The following CTNNA2 variants were observed in gnomAD, a reference collection of about 807,000 sequenced individuals.
CTNNA2 encodes the protein catenin alpha-2.
CTNNA2 carries 42 observed loss-of-function variants against 101.0 expected under a neutral mutation model. That is an observed-to-expected ratio of 0.42 (90% CI 0.32 to 0.54). The LOEUF is 0.54. Ranked by LOEUF, CTNNA2 falls within the 20% of genes least tolerant of loss-of-function variation. CTNNA2 has a pLI of 0.14. For synonymous variants in CTNNA2, 450 were observed against 456.4 expected, an observed-to-expected ratio of 0.99 and a Z score of 0.18; for missense variants, 871 against 1,223.1, an observed-to-expected ratio of 0.71 and a Z score of 4.29.
At chr2:80,144,290 A>G (rs1295612577) in intron 7 of CTNNA2, among the ~76,000 whole-genome samples, 1 of 152,200 alleles carries the variant, frequency 6.6e-6, no homozygotes, top group Non-Finnish European at 1.5e-5. Flanking sequence ...CAGATTCCCC[A>G]TAGATGCACC....
At chr2:79,585,259 T>G (rs1390625674) in intron 1 of CTNNA2, among the ~76,000 whole-genome samples, 2 of 152,034 alleles carry the variant, frequency 1.3e-5, no homozygotes, top group South Asian at 2.1e-4. Context: ...GTTTTTCAAT[T>G]GTTTTTCTTG....
chr2:79,232,557 T>C (rs1421615878), intron 2 of CTNNA2, among the ~76,000 whole-genome samples: 1 of 152,230 alleles, frequency 6.6e-6, no homozygotes, highest in Non-Finnish European at 1.5e-5. Flanking sequence ...CTTTACAGAA[T>C]GAATTAGGGA....
chr2:79,456,812 T>A (rs552034802), intron 4 of CTNNA2, among the ~76,000 whole-genome samples: 1 of 152,336 alleles, frequency 6.6e-6, no homozygotes, highest in South Asian at 2.1e-4. Context: ...ATGTTTTATT[T>A]GTTTTTACCC....
chr2:80,001,742 G>A (rs889850797), intron 7 of CTNNA2, among the ~76,000 whole-genome samples: 3 of 152,234 alleles, frequency 2.0e-5, no homozygotes, highest in African/African-American at 4.8e-5. Flanking sequence ...GGAGGCGGCC[G>A]GACACAGCCT....
chr2:79,944,452 A>G (rs1688359512), intron 7 of CTNNA2, among the ~76,000 whole-genome samples: 2 of 152,222 alleles, frequency 1.3e-5, no homozygotes, highest in South Asian at 2.1e-4. Context: ...CTCAAACACA[A>G]TGTCTGTCCT....
intron 3 of CTNNA2, among the ~76,000 whole-genome samples, chr2:79,799,056 C>T (rs1254313194): frequency 6.6e-6 from 1 of 152,134 alleles, no homozygotes; most frequent in Non-Finnish European, 1.5e-5. Context: ...GAGCCCCAGC[C>T]CAGATTTGCA....
intron 1 of CTNNA2, among the ~76,000 whole-genome samples, chr2:79,532,300 G>C (rs1461906378): frequency 2.0e-5 from 3 of 152,040 alleles, no homozygotes; most frequent in Non-Finnish European, 4.4e-5. Context: ...GTGACTTCAT[G>C]GGATGCTTAA....
chr2:80,469,975 A>G lies in CTNNA2; in HGVS notation c.1290+50374A>G, dbSNP rs191839040. On this transcript the variant is annotated intron_variant, in intron 9 of 18. Transcript: ENST00000402739. ...AATGGGGCAATAGCAATATAACCCTAAGACATGGGCAAGGGTGGCTCCTCT... is the reference window on the plus strand; with the variant it reads ...AATGGGGCAATAGCAATATAACCCTGAGACATGGGCAAGGGTGGCTCCTCT... Among the ~76,000 whole-genome samples the G allele has an allele frequency of 5.9e-5, 9 of 152,272 alleles. No individual in the cohort carries two copies. The East Asian group carries it at 1.7e-3, about 29-fold the overall frequency.
At chr2:80,630,735 G>C (rs1325339199) in intron 18 of CTNNA2, among the ~76,000 whole-genome samples, 2 of 152,146 alleles carry the variant, frequency 1.3e-5, no homozygotes, top group Non-Finnish European at 1.5e-5. Flanking sequence ...TAAAGTGATA[G>C]TTAAAATAAT....
At chr2:79,722,413 C>A (rs1323298624) in intron 2 of CTNNA2, among the ~76,000 whole-genome samples, 1 of 152,080 alleles carries the variant, frequency 6.6e-6, no homozygotes, top group Non-Finnish European at 1.5e-5. Flanking sequence ...CAGAAATGTA[C>A]GTTCAGTTAA....
chr2:79,696,122 A>G (rs1196197512), intron 2 of CTNNA2, among the ~76,000 whole-genome samples: 2 of 151,976 alleles, frequency 1.3e-5, no homozygotes, highest in Non-Finnish European at 2.9e-5. Flanking sequence ...GCATTCATCA[A>G]CAAACAATAT....
At chr2:79,362,069 G>T (rs924615974) in intron 3 of CTNNA2, among the ~76,000 whole-genome samples, 1 of 152,138 alleles carries the variant, frequency 6.6e-6, no homozygotes, top group African/African-American at 2.4e-5. Context: ...CCTGTAGAAT[G>T]CTATCATGGT....
chr2:79,252,855 G>T (rs947085413), intron 2 of CTNNA2, among the ~76,000 whole-genome samples: 2 of 151,806 alleles, frequency 1.3e-5, no homozygotes, highest in Admixed American at 1.3e-4. Context: ...GTTGAGAGCT[G>T]GCAGTGAAAT....
At chr2:80,376,414 A>G (rs1675955036) in intron 7 of CTNNA2, among the ~76,000 whole-genome samples, 1 of 151,930 alleles carries the variant, frequency 6.6e-6, no homozygotes, top group Admixed American at 6.6e-5. Context: ...ATGCCAGCAA[A>G]CTAGAGAGAT....
intron 17 of CTNNA2, among the ~76,000 whole-genome samples, chr2:80,614,704 G>A (rs1698710850): frequency 6.6e-6 from 1 of 151,224 alleles, no homozygotes; most frequent in South Asian, 2.1e-4. Context: ...TTCAAATAAT[G>A]TTTCAAATTA....
At chr2:79,198,678 C>T (rs1320217529) in intron 2 of CTNNA2, among the ~76,000 whole-genome samples, 1 of 146,192 alleles carries the variant, frequency 6.8e-6, no homozygotes, top group East Asian at 2.1e-4. Flanking sequence ...ACTGATGCTA[C>T]TCATTGATCA....
In CTNNA2 at chr2:79,652,637, A is replaced by G. The variant is rs772487341; in HGVS notation, c.102+979A>G. On this transcript the variant is annotated intron_variant, in intron 2 of 18. Coordinates refer to ENST00000402739, the MANE Select transcript of CTNNA2 (RefSeq NM_001282597.3). ...CCAAATACTCCAGAAAAATCCTCCC[A>G]TCTCAAGATCCTTAACCCAATCACA... Among the ~76,000 whole-genome samples, 81 of 152,040 alleles carry G rather than the reference A, an allele frequency of 5.3e-4. 1 individual carries two copies. The highest frequency in any genetic ancestry group is 9.2e-4 in the Admixed American group (14 of 15,240).
At chr2:79,221,907 C>T (rs530612234) in intron 2 of CTNNA2, among the ~76,000 whole-genome samples, 2 of 152,218 alleles carry the variant, frequency 1.3e-5, no homozygotes, top group East Asian at 3.9e-4. Flanking sequence ...AAGATAACGG[C>T]TCTCAGAAGT....
chr2:79,933,418 G>A (rs1687579364), intron 7 of CTNNA2, among the ~76,000 whole-genome samples: 1 of 151,486 alleles, frequency 6.6e-6, no homozygotes, highest in African/African-American at 2.4e-5. Context: ...AAACAAAGAG[G>A]CTGAAATTCA....
Sources: allele counts gnomAD v4.1 joint callset (sites outside exome capture counted in the v4.1 genomes callset), GRCh38; gene constraint gnomAD v4.1.1; transcripts MANE v1.5; gene names NCBI Gene and HGNC (gene_info 2026-07-23, HGNC 2026-07-21).